The following ROBO2 variants were observed in gnomAD, a reference collection of about 807,000 sequenced individuals.
ROBO2 encodes the protein roundabout guidance receptor 2.
A neutral mutation model predicts 160.8 loss-of-function variants in ROBO2; 53 were observed. That is an observed-to-expected ratio of 0.33 (90% CI 0.26 to 0.41). ROBO2 has a LOEUF of 0.41. ROBO2 is among the 10% of genes least tolerant of loss of function. The pLI is 1.00. For missense variants in ROBO2, 1,577 were observed against 1,722.4 expected (o/e 0.92, Z 1.49); for synonymous variants, 664 against 611.7 (o/e 1.09, Z -1.26).
chr3:77,039,004 A>G (rs2063809753), upstream of ROBO2, among the ~76,000 whole-genome samples: 1 of 152,004 alleles, frequency 6.6e-6, no homozygotes, highest in Non-Finnish European at 1.5e-5. Flanking sequence ...CCCCGTCCTT[A>G]GCATCTTCTG....
intron 2 of ROBO2, among the ~76,000 whole-genome samples, chr3:76,576,701 CTTTTTTT>C (rs56404865): frequency 3.5e-4 from 22 of 62,410 alleles, no homozygotes; most frequent in Non-Finnish European, 3.7e-4. Flanking sequence ...CATTTTCTTT[CTTTTTTT>C]TTTTTTTTTT....
At chr3:75,967,865 T>C (rs1949174229) in intron 2 of ROBO2, among the ~76,000 whole-genome samples, 1 of 151,448 alleles carries the variant, frequency 6.6e-6, no homozygotes, top group African/African-American at 2.4e-5. Context: ...AAACAGTAAC[T>C]AGGATGCCGT....
intron 2 of ROBO2, among the ~76,000 whole-genome samples, chr3:76,544,970 C>A (rs2083014920): frequency 6.6e-6 from 1 of 151,988 alleles, no homozygotes; most frequent in African/African-American, 2.4e-5. Context: ...ACAAGAGATT[C>A]CCCTCCATCA....
At position 77,084,826 on chromosome 3, in the gene ROBO2, G is replaced by A. The variant is rs531423368; in HGVS notation, c.62-13188G>A. ...AAGCAGAAAAAGATCATTTGAAAAC[G>A]TTTATTGCACTCACATTTGCTGCTC... On this transcript the variant is annotated intron_variant, in intron 1 of 25. Transcript: ENST00000461745. Among the ~76,000 whole-genome samples, 28 of 152,144 alleles carry A rather than the reference G, an allele frequency of 1.8e-4. 1 individual carries two copies. The South Asian group carries it at 3.9e-3, about 21-fold the overall frequency.
intron 2 of ROBO2, among the ~76,000 whole-genome samples, chr3:77,268,618 A>C: frequency 6.6e-6 from 1 of 152,168 alleles, no homozygotes; most frequent in East Asian, 1.9e-4. Context: ...ACATCAGTAC[A>C]ATTTCTCTAA....
chr3:76,797,196 G>A (rs947071197), intron 2 of ROBO2, among the ~76,000 whole-genome samples: 1 of 151,954 alleles, frequency 6.6e-6, no homozygotes, highest in Non-Finnish European at 1.5e-5. Flanking sequence ...CTTACATTAG[G>A]CCAAAAAATA....
chr3:76,400,866 T>G (rs183657698), intron 2 of ROBO2, among the ~76,000 whole-genome samples: 7 of 151,602 alleles, frequency 4.6e-5, no homozygotes, highest in Admixed American at 4.0e-4. Context: ...TTATACAAAA[T>G]AGATCCACAA....
At chr3:77,438,116 C>T (rs1261198879) in intron 2 of ROBO2, among the ~76,000 whole-genome samples, 1 of 151,840 alleles carries the variant, frequency 6.6e-6, no homozygotes, top group African/African-American at 2.4e-5. Context: ...TCAACCTACA[C>T]AGCCTTGATT....
At chr3:76,460,467 C>T (rs986634326) in intron 2 of ROBO2, among the ~76,000 whole-genome samples, 4 of 152,076 alleles carry the variant, frequency 2.6e-5, no homozygotes, top group South Asian at 2.1e-4. Context: ...AAGGGTAAGT[C>T]GTAAAATGAA....
At chr3:76,586,885 C>CA (rs1479134030) in intron 2 of ROBO2, among the ~76,000 whole-genome samples, 1 of 152,222 alleles carries the variant, frequency 6.6e-6, no homozygotes, top group East Asian at 1.9e-4. Flanking sequence ...CTCCAGAGAG[C>CA]AGCCAGGAAG....
rs569233170 is a variant in ROBO2 at position 76,428,173 on chromosome 3, G to T, written c.109+490571G>T. On this transcript the variant is annotated intron_variant, in intron 2 of 26. Transcript: ENST00000487694. ...TATTAAAATATAGAAGACCTCATAA[G>T]TTCCATCTGCCCACATACCTGATTT... is the stretch of plus-strand genomic sequence containing the variant. Among the ~76,000 whole-genome samples the T allele has an allele frequency of 2.4e-4, 36 of 152,138 alleles. 1 individual carries two copies. In the South Asian group the frequency reaches 7.3e-3, roughly 31 times the overall value.
chr3:76,331,125 C>T (rs575657982), intron 2 of ROBO2, among the ~76,000 whole-genome samples: 8 of 152,174 alleles, frequency 5.3e-5, no homozygotes, highest in Middle Eastern at 3.4e-3. Context: ...GAGCCCATGG[C>T]GGTAATGTAC....
At chr3:76,126,615 T>A (rs2071000032) in intron 2 of ROBO2, among the ~76,000 whole-genome samples, 1 of 152,110 alleles carries the variant, frequency 6.6e-6, no homozygotes, top group African/African-American at 2.4e-5. Context: ...TTTAAGGCAT[T>A]GCATTCATGA....
chr3:77,034,174 G>A (rs1228190190), intron 2 of ROBO2, among the ~76,000 whole-genome samples: 1 of 151,788 alleles, frequency 6.6e-6, no homozygotes, highest in African/African-American at 2.4e-5. Context: ...AAATTGAAAT[G>A]TTATGATATG....
chr3:76,940,013 G>A (rs527722261), intron 2 of ROBO2, among the ~76,000 whole-genome samples: 149 of 133,610 alleles, frequency 1.1e-3, no homozygotes, highest in African/African-American at 4.2e-3. Flanking sequence ...ACGGAGTCTC[G>A]CTGTGTCACC....
intron 1 of ROBO2, among the ~76,000 whole-genome samples, chr3:75,925,353 G>T (rs1947250011): frequency 6.6e-6 from 1 of 152,094 alleles, no homozygotes; most frequent in Non-Finnish European, 1.5e-5. Flanking sequence ...TTATGCCACT[G>T]CGCTCCAGTG....
chr3:77,094,792 A>C lies in ROBO2; in HGVS notation c.62-3222A>C, dbSNP rs558178844. On this transcript the variant is annotated intron_variant, in intron 1 of 25. Coordinates refer to ENST00000461745, the Ensembl canonical transcript of ROBO2. ...ATTTTTCTAATAGCTAATGATGTTG[A>C]GTATCTCTTTATGTGGTTATGGCTA... Among the ~76,000 whole-genome samples, 170 of 152,178 alleles carry C rather than the reference A, an allele frequency of 1.1e-3. 1 individual carries two copies. The highest frequency in any genetic ancestry group is 3.8e-3 in the African/African-American group (159 of 41,536).
chr3:77,108,251 C>CATATATATGTATACACATATGCATAT lies in ROBO2; in HGVS notation c.388+9977_388+10002dup, dbSNP rs1560025833. Among the ~76,000 whole-genome samples the CATATATATGTATACACATATGCATAT allele has an allele frequency of 9.6e-3, 1,155 of 120,864 alleles. 53 individuals carry two copies. The highest frequency in any genetic ancestry group is 0.02 in the Middle Eastern group (4 of 202). The allele number at this position is 120,864 out of a possible 152,430, so 79.3% of individuals were successfully genotyped here. On this transcript the variant is annotated intron_variant, in intron 2 of 25. Transcript: ENST00000461745. ...ATGCATATATATGTATACACATATG[C>CATATATATGTATACACATATGCATAT]ATATATATGTATACACATATGCATA...
Position 77,066,411 on chromosome 3 carries a change from T to C in ROBO2, c.61+25565T>C, listed in dbSNP as rs557327143. Among the ~76,000 whole-genome samples, 11 of 152,240 alleles carry C rather than the reference T, an allele frequency of 7.2e-5. No individual in the cohort carries two copies. In the South Asian group the frequency reaches 2.3e-3, roughly 32 times the overall value. ...AACATTAACTGCAGTTGGAAAAAAA[T>C]TGGCTTCAAAGTCAACTCTTTGTTC... On this transcript the variant is annotated intron_variant, in intron 1 of 25. Coordinates refer to ENST00000461745, the Ensembl canonical transcript of ROBO2.
Sources: allele counts gnomAD v4.1 joint callset (sites outside exome capture counted in the v4.1 genomes callset), GRCh38; gene constraint gnomAD v4.1.1; transcripts MANE v1.5; gene names NCBI Gene and HGNC (gene_info 2026-07-23, HGNC 2026-07-21).